The following RASA1 variants were observed in gnomAD, a reference collection of about 807,000 sequenced individuals.
The protein encoded by RASA1 is RAS p21 protein activator 1.
Under a neutral mutation model 132.2 loss-of-function variants are expected in RASA1, and 25 were observed. That is an observed-to-expected ratio of 0.19 (90% CI 0.14 to 0.26). The LOEUF (loss-of-function observed/expected upper bound fraction) is 0.26, where lower values mean the gene tolerates loss of function less well. RASA1 is among the 10% of genes least tolerant of loss of function. RASA1 has a pLI of 1.00. For synonymous variants in RASA1, 477 were observed against 449.9 expected (o/e 1.06, Z -0.76); for missense variants, 964 against 1,299.2 (o/e 0.74, Z 3.97).
At chr5:87,338,277 T>C (rs2112387352) in intron 5 of RASA1, among the ~76,000 whole-genome samples, 186 bp downstream of exon 5, 1 of 151,960 alleles carries the variant, frequency 6.6e-6, no homozygotes. Flanking sequence ...TTATAATACA[T>C]AGCTGCCAAT....
chr5:87,379,937 TGTC>T, intron 19 of RASA1, 87 bp downstream of exon 19: 2 of 1,305,254 alleles, frequency 1.5e-6, no homozygotes, highest in South Asian at 2.5e-5. Flanking sequence ...GCTTTTCTGT[TGTC>T]CTAATATTAT....
chr5:87,365,300 G>A (rs1760427684), intron 11 of RASA1, among the ~76,000 whole-genome samples: 1 of 152,070 alleles, frequency 6.6e-6, no homozygotes, highest in Non-Finnish European at 1.5e-5. Context: ...TGTATAAACT[G>A]TTCTAATTCA....
At chr5:87,361,163 A>C (rs1760062835) in intron 9 of RASA1, among the ~76,000 whole-genome samples, 2 of 152,196 alleles carry the variant, frequency 1.3e-5, no homozygotes, top group Admixed American at 1.3e-4. Flanking sequence ...CTGTCTTTTT[A>C]TCTGGAAGCA....
intron 9 of RASA1, among the ~76,000 whole-genome samples, chr5:87,360,392 G>A (rs1759995281): frequency 6.6e-6 from 1 of 152,132 alleles, no homozygotes; most frequent in Non-Finnish European, 1.5e-5. Context: ...CTAAAGTACT[G>A]GGATTAAAGG....
At chr5:87,293,636 C>G (rs2112271778) in intron 1 of RASA1, among the ~76,000 whole-genome samples, 1 of 152,232 alleles carries the variant, frequency 6.6e-6, no homozygotes, top group South Asian at 2.1e-4. Context: ...CTGAAAGAGA[C>G]TGTAGAGAAT....
intron 1 of RASA1, among the ~76,000 whole-genome samples, chr5:87,328,799 G>A (rs1042250398): frequency 3.9e-5 from 6 of 152,136 alleles, no homozygotes; most frequent in Non-Finnish European, 7.4e-5. Flanking sequence ...CTGTTTTTGA[G>A]TAAACCCAAG....
intron 1 of RASA1, among the ~76,000 whole-genome samples, chr5:87,284,121 C>A (rs1434640521): frequency 1.3e-5 from 2 of 152,056 alleles, no homozygotes; most frequent in Non-Finnish European, 2.9e-5. Flanking sequence ...CAATTTTTTT[C>A]TTATCAGTGT....
At position 87,311,876 on chromosome 5, in the gene RASA1, C is replaced by T. The variant is rs561232282; in HGVS notation, c.540-19472C>T. Among the ~76,000 whole-genome samples the T allele has an allele frequency of 1.6e-3, 241 of 152,308 alleles. 1 individual carries two copies. Among genetic ancestry groups the T allele is most frequent in the Middle Eastern group, 6.8e-3 (2 of 294 alleles). ...GCTGAAGGCTTTCAGTAAACAAAGG[C>T]ACTCTTATTAAGCAGGATATTTCAA... On this transcript the variant is annotated intron_variant, in intron 1 of 24. Transcript: ENST00000274376.
chr5:87,268,623 G>T lies in RASA1; in HGVS notation c.172G>T (p.Ala58Ser). Residue 58 changes from alanine to serine, a missense_variant, in exon 1 of 25, where the codon GCT (alanine) becomes TCT (serine). Coordinates refer to ENST00000274376, the MANE Select transcript of RASA1 (RefSeq NM_002890.3). ...TCCTGGGCTGGTGGAGACCGGAGTG[G>T]CTGGAACTCTGGGTGGCGGAGCCGC... is the stretch of plus-strand genomic sequence containing the variant. ...PYPGLVETGV[A>S]GTLGGGAALG... The T allele has an allele frequency of 6.2e-7, 1 of 1,612,020 alleles. No homozygotes were observed. The highest frequency in any genetic ancestry group is 1.1e-5 in the South Asian group (1 of 90,754).
At chr5:87,383,823 T>C (rs80152927) in intron 21 of RASA1, 43 bp downstream of exon 21, 1 of 1,506,628 alleles carries the variant, frequency 6.6e-7, no homozygotes, top group Admixed American at 1.7e-5. Context: ...AATATTAGAA[T>C]TAACAGTTTC....
At chr5:87,295,120 G>C (rs1388207544) in intron 1 of RASA1, among the ~76,000 whole-genome samples, 1 of 152,064 alleles carries the variant, frequency 6.6e-6, no homozygotes, top group South Asian at 2.1e-4. Context: ...AACTTTCCAT[G>C]CTCTGAAGTT....
intron 1 of RASA1, among the ~76,000 whole-genome samples, chr5:87,311,019 T>C (rs1755878581): frequency 6.6e-6 from 1 of 152,200 alleles, no homozygotes; most frequent in African/African-American, 2.4e-5. Context: ...TCCTTGAGTA[T>C]ATGTCCTTTT....
chr5:87,350,120 C>T (rs2112423731), intron 8 of RASA1, among the ~76,000 whole-genome samples: 1 of 151,824 alleles, frequency 6.6e-6, no homozygotes, highest in East Asian at 1.9e-4. Context: ...TCAAACTAGA[C>T]ATTTGAGTGA....
chr5:87,328,348 G>A (rs373091723), intron 1 of RASA1, among the ~76,000 whole-genome samples: 21 of 151,728 alleles, frequency 1.4e-4, no homozygotes, highest in Admixed American at 5.3e-4. Flanking sequence ...ATTTGAAAAC[G>A]GTCACCAGCA....
intron 1 of RASA1, among the ~76,000 whole-genome samples, chr5:87,292,165 T>C (rs537964091): frequency 6.6e-6 from 1 of 152,336 alleles, no homozygotes; most frequent in South Asian, 2.1e-4. Context: ...GCAGAAGTTT[T>C]TAATTTTAAT....
chr5:87,268,115 C>A lies in RASA1; in HGVS notation c.-337C>A. On this transcript the variant is annotated 5_prime_UTR_variant, in exon 1 of 25. The change creates a new upstream start codon in the 5' untranslated region. Coordinates refer to ENST00000274376, the MANE Select transcript of RASA1 (RefSeq NM_002890.3). ...GCGGTAGCAGCCTCAGCCTCTTTCC[C>A]TGTGCTTCCTTTCCTCTTTAGTGCA... 1 of 422,298 alleles carries A rather than the reference C, an allele frequency of 2.4e-6. No homozygotes were observed. 26.2% of individuals were successfully genotyped at this position (422,298 alleles called of 1,614,324 possible). A position where few individuals can be genotyped will look rare whatever the true frequency, so the allele number is the denominator to read the frequency against.
intron 1 of RASA1, among the ~76,000 whole-genome samples, chr5:87,302,650 C>T (rs558539422): frequency 2.2e-4 from 33 of 149,518 alleles, no homozygotes; most frequent in Middle Eastern, 3.4e-3. Flanking sequence ...AAGTGTTCAA[C>T]GCAATGAGTT....
At chr5:87,310,822 G>A (rs1755845457) in intron 1 of RASA1, among the ~76,000 whole-genome samples, 2 of 152,086 alleles carry the variant, frequency 1.3e-5, no homozygotes, top group Non-Finnish European at 2.9e-5. Flanking sequence ...TGATGCCTTA[G>A]TATAAATTAA....
At chr5:87,351,287 T>A (rs1422524447) in intron 8 of RASA1, among the ~76,000 whole-genome samples, 2 of 151,748 alleles carry the variant, frequency 1.3e-5, no homozygotes, top group Non-Finnish European at 3.0e-5. Context: ...GTAAATACAT[T>A]AAAGAAAAAG....
Sources: allele counts gnomAD v4.1 joint callset (sites outside exome capture counted in the v4.1 genomes callset), GRCh38; gene constraint gnomAD v4.1.1; transcripts MANE v1.5; gene names NCBI Gene and HGNC (gene_info 2026-07-23, HGNC 2026-07-21).